NETO1: variants seen among roughly 807,000 people sequenced by gnomAD.
The protein encoded by NETO1 is neuropilin and tolloid like 1, also known as neuropilin and tolloid-like protein 1.
Under a neutral mutation model 61.3 loss-of-function variants are expected in NETO1, and 26 were observed. That is an observed-to-expected ratio of 0.42 (90% CI 0.31 to 0.59). The LOEUF (loss-of-function observed/expected upper bound fraction) is 0.59. Among genes scored for constraint, NETO1 ranks in the 20% least tolerant of loss-of-function variants. The probability of loss-of-function intolerance (pLI) is 0.12; values close to 1 mark genes in which losing one functional copy is unlikely to be tolerated. For synonymous variants in NETO1, 225 were observed against 225.8 expected (o/e 1.00, Z 0.03); for missense variants, 531 against 662.8 (o/e 0.80, Z 2.18).
At position 72,859,899 on chromosome 18, in the gene NETO1, C is replaced by A. The variant is rs1277486159; in HGVS notation, c.221-825G>T. ...ATCTCACTCACCTTCTTTCTCAGAG[C>A]TTAGCATAGTATTTGTCATCGAAAA... On this transcript the variant is annotated intron_variant, in intron 3 of 10. Coordinates refer to ENST00000327305, the MANE Select transcript of NETO1 (RefSeq NM_138966.5). Among the ~76,000 whole-genome samples, 3 of 148,978 alleles carry A rather than the reference C, an allele frequency of 2.0e-5. No individual in the cohort carries two copies. In the East Asian group the frequency reaches 6.0e-4, roughly 30 times the overall value.
chr18:72,765,858 T>C (rs148843186), intron 7 of NETO1, among the ~76,000 whole-genome samples: 1 of 152,190 alleles, frequency 6.6e-6, no homozygotes, highest in East Asian at 1.9e-4. Flanking sequence ...AGATATCAAT[T>C]ATGAGTAATC....
intron 4 of NETO1, among the ~76,000 whole-genome samples, chr18:72,829,744 C>A (rs905654228): frequency 2.0e-5 from 3 of 152,116 alleles, no homozygotes; most frequent in Admixed American, 6.6e-5. Context: ...ATTTTGGGGG[C>A]ACCTCTTAAA....
rs186159117 is a variant in NETO1 at position 72,846,678 on chromosome 18, G to A, written c.469+12148C>T. Among the ~76,000 whole-genome samples the A allele has an allele frequency of 4.0e-5, 6 of 151,450 alleles. No homozygotes were observed. The East Asian group carries it at 7.8e-4, about 20-fold the overall frequency. ...ATCTTTTTTTATTTAAAATTGAGAC[G>A]CAGATATTACTTAAGGATGATTATT... On this transcript the variant is annotated intron_variant, in intron 4 of 10. Transcript: ENST00000327305.
chr18:72,827,974 A>G (rs1367582062), intron 4 of NETO1, among the ~76,000 whole-genome samples: 3 of 152,216 alleles, frequency 2.0e-5, no homozygotes, highest in African/African-American at 7.2e-5. Flanking sequence ...AGAACAAGCC[A>G]TATTTGGAGG....
intron 4 of NETO1, among the ~76,000 whole-genome samples, chr18:72,816,292 A>G (rs1050173552): frequency 5.3e-5 from 8 of 152,178 alleles, no homozygotes; most frequent in African/African-American, 1.9e-4. Context: ...CAACTTCTCA[A>G]CTAGGTTTGA....
rs750747820 is a variant in NETO1 at position 72,750,547 on chromosome 18, G to A, written c.1056C>T (p.Ile352=). Residue 352 remains isoleucine, a synonymous_variant, in exon 9 of 11, where the codon ATC becomes ATT. Coordinates refer to ENST00000327305, the MANE Select transcript of NETO1 (RefSeq NM_138966.5). ...SGTVIGVTSC[I]VIILIIISVI... ...CAGAGATGATAATGAGGATGATCACGATGCAGGAAGTCACGCCAATGACAG... is the reference window on the plus strand; with the variant it reads ...CAGAGATGATAATGAGGATGATCACAATGCAGGAAGTCACGCCAATGACAG... 2.5e-6 allele frequency: 4 copies of A among 1,613,554 alleles called. No homozygotes were observed. Among genetic ancestry groups the A allele is most frequent in the Non-Finnish European group, 3.4e-6 (4 of 1,179,952 alleles).
At position 72,756,064 on chromosome 18, in the gene NETO1, C is replaced by G; in HGVS notation, c.952G>C (p.Val318Leu). ...TLVCNGLQNCVYPWDENHCKE... is the reference protein window; with the variant it reads ...TLVCNGLQNCLYPWDENHCKE... ...CAGTGATTTTCATCCCAAGGATACA[C>G]ACAGTTCTGGAGTCCATTGCAGACC... Residue 318 changes from valine (V) to leucine (L), a missense_variant, in exon 8 of 11, where the codon GTG becomes CTG. Physicochemically the swap from Val to Leu is conservative, Grantham distance 32 (BLOSUM62 1). Transcript: ENST00000327305. 1 of 1,606,430 alleles carries G rather than the reference C, an allele frequency of 6.2e-7. No homozygotes were observed. The highest frequency in any genetic ancestry group is 2.2e-5 in the East Asian group (1 of 44,778).
Position 72,750,387 on chromosome 18 carries a change from C to T in NETO1, c.1216G>A (p.Asp406Asn), listed in dbSNP as rs762172163. 6.2e-7 allele frequency: 1 copy of T among 1,614,014 alleles called. No homozygotes were observed. The highest frequency in any genetic ancestry group is 1.7e-5 in the Admixed American group (1 of 59,986). ...AAGTCATCTGCCACATCTGCAAAGT[C>T]AGCTGTAGCTCCTGTCCCTCTGAGA... is the stretch of plus-strand genomic sequence containing the variant. ...CTLRGTGATADFADVADDFEN... is the reference protein window; with the variant it reads ...CTLRGTGATANFADVADDFEN... Residue 406 changes from aspartate to asparagine, a missense_variant, in exon 9 of 11, where the codon GAC becomes AAC. By Grantham distance (23) the Asp-to-Asn change is conservative (BLOSUM62 1). Transcript: ENST00000327305.
intron 7 of NETO1, among the ~76,000 whole-genome samples, chr18:72,762,744 A>G (rs1371372699): frequency 6.6e-6 from 1 of 152,116 alleles, no homozygotes; most frequent in East Asian, 1.9e-4. Flanking sequence ...ATCAGACTTC[A>G]GTGAAGGAGC....
At chr18:72,818,747 T>C (rs1031223285) in intron 4 of NETO1, among the ~76,000 whole-genome samples, 2 of 152,200 alleles carry the variant, frequency 1.3e-5, no homozygotes, top group African/African-American at 4.8e-5. Flanking sequence ...TCATAAAATA[T>C]CATGCTCATT....
intron 4 of NETO1, among the ~76,000 whole-genome samples, chr18:72,848,731 G>A (rs1319829095): frequency 6.6e-6 from 1 of 152,144 alleles, no homozygotes; most frequent in African/African-American, 2.4e-5. Context: ...TCTGCCTCCT[G>A]AGTCAGCCTA....
rs9807739 is a variant in NETO1, at chr18:72,798,058, G to A, written c.470-3654C>T. Among the ~76,000 whole-genome samples, 132 of 152,026 alleles carry A rather than the reference G, an allele frequency of 8.7e-4. 2 individuals are homozygous for A. Among genetic ancestry groups the A allele is most frequent in the Non-Finnish European group, 6.6e-4 (45 of 67,980 alleles). On this transcript the variant is annotated intron_variant, in intron 4 of 10. Coordinates refer to ENST00000327305, the MANE Select transcript of NETO1 (RefSeq NM_138966.5). ...CTATTTGTCTGTATATTTTTTTACC[G>A]TCTACTTCCACTGCTCCATAATCAA...
chr18:72,774,967 G>C (rs1568189492), intron 7 of NETO1, among the ~76,000 whole-genome samples: 3 of 151,938 alleles, frequency 2.0e-5, no homozygotes, highest in Non-Finnish European at 4.4e-5. Context: ...CTTGTCCCTG[G>C]GTTTCAAAAT....
At chr18:72,766,582 TTGAAAATA>T (rs927073125) in intron 7 of NETO1, among the ~76,000 whole-genome samples, 10 of 152,170 alleles carry the variant, frequency 6.6e-5, no homozygotes, top group Admixed American at 5.2e-4. Context: ...GACTTTTACT[TTGAAAATA>T]TCCAGTATTA....
intron 4 of NETO1, chr18:72,834,478 T>A (rs2073679466): frequency 1.0e-6 from 1 of 979,704 alleles, no homozygotes. Flanking sequence ...ATTTCATTTT[T>A]AAATTATGTG....
intron 4 of NETO1, among the ~76,000 whole-genome samples, chr18:72,851,474 T>C (rs891906335): frequency 2.0e-5 from 3 of 151,896 alleles, no homozygotes; most frequent in African/African-American, 7.3e-5. Context: ...AGAAATAAAC[T>C]AAAGTTTTCC....
At chr18:72,832,542 A>G (rs1023269269) in intron 4 of NETO1, among the ~76,000 whole-genome samples, 18 of 152,290 alleles carry the variant, frequency 1.2e-4, no homozygotes, top group Admixed American at 4.6e-4. Flanking sequence ...TAACCCATAC[A>G]TTGCAATAAG....
At chr18:72,849,107 G>A (rs1445131669) in intron 4 of NETO1, among the ~76,000 whole-genome samples, 3 of 152,164 alleles carry the variant, frequency 2.0e-5, no homozygotes, top group Non-Finnish European at 2.9e-5. Flanking sequence ...TAGGGGATCA[G>A]CAAAAAGTTG....
chr18:72,835,211 A>G (rs1413265534), intron 4 of NETO1: 1 of 1,412,780 alleles, frequency 7.1e-7, no homozygotes, highest in Non-Finnish European at 9.4e-7. Flanking sequence ...GTGCTTCAAG[A>G]TGGTGTTAGA....
Sources: gnomAD v4.1 joint callset for allele counts (sites outside exome capture counted in the v4.1 genomes callset) on GRCh38, gnomAD v4.1.1 for gene constraint, MANE v1.5 for transcripts, NCBI Gene and HGNC (gene_info 2026-07-23, HGNC 2026-07-21) for gene names.